Variants in CCDC18 observed in about 807,000 individuals in gnomAD.
CCDC18 encodes coiled-coil domain containing 18.
A neutral mutation model predicts 196.0 loss-of-function variants in CCDC18; 157 were observed. The observed-to-expected ratio is 0.80, with a 90% CI of 0.70 to 0.91. CCDC18 has a LOEUF of 0.91. CCDC18 is among the 40% of genes least tolerant of loss of function. The pLI is 0.00. For synonymous variants in CCDC18, 482 were observed against 529.2 expected, an observed-to-expected ratio of 0.91 and a Z score of 1.22; for missense variants, 1,465 against 1,611.6, an observed-to-expected ratio of 0.91 and a Z score of 1.56.
intron 6 of CCDC18, among the ~76,000 whole-genome samples, chr1:93,194,671 CT>C (rs1274779226): frequency 6.6e-6 from 1 of 151,996 alleles, no homozygotes; most frequent in Non-Finnish European, 1.5e-5. Flanking sequence ...ATTTTATAAA[CT>C]TTGTGGTTAA....
At chr1:93,194,952 C>T (rs1482046327) in intron 6 of CCDC18, among the ~76,000 whole-genome samples, 1 of 152,078 alleles carries the variant, frequency 6.6e-6, no homozygotes, top group Non-Finnish European at 1.5e-5. Context: ...CTCACTGCAT[C>T]CTCCGCCCCC....
intron 23 of CCDC18, among the ~76,000 whole-genome samples, chr1:93,250,103 T>TC (rs1662031211): frequency 6.6e-6 from 1 of 152,106 alleles, no homozygotes; most frequent in Non-Finnish European, 1.5e-5. Context: ...ATTTCTACCT[T>TC]TAAAATTTGA....
intron 17 of CCDC18, among the ~76,000 whole-genome samples, chr1:93,229,640 C>T (rs1217152013): frequency 6.6e-6 from 1 of 152,140 alleles, no homozygotes; most frequent in Non-Finnish European, 1.5e-5. Context: ...GTTGATTACC[C>T]GTTGCAAAAA....
intron 16 of CCDC18, among the ~76,000 whole-genome samples, chr1:93,223,054 G>C (rs895610163): frequency 3.3e-5 from 5 of 152,106 alleles, no homozygotes; most frequent in African/African-American, 7.2e-5. Flanking sequence ...CCCTGTGTAA[G>C]AATAGCCCCA....
chr1:93,278,431 A>G, intron 28 of CCDC18, 32 bp from the exon 29 acceptor site: 1 of 929,618 alleles, frequency 1.1e-6, no homozygotes, highest in African/African-American at 1.7e-5. Context: ...GGAATATTTC[A>G]AATATTAATC....
rs539451973 is a variant in CCDC18, at chr1:93,215,832, G to A, written c.1720-804G>A. ...TTTTTAAACAACTGCATGTAAACCT[G>A]AAACAACTACGCAAGGAATTACATT... On this transcript the variant is annotated intron_variant, in intron 12 of 28. Coordinates refer to ENST00000690025, the MANE Select transcript of CCDC18 (RefSeq NM_001378204.1). Among the ~76,000 whole-genome samples the A allele has an allele frequency of 2.0e-5, 3 of 152,262 alleles. No individual in the cohort carries two copies. The South Asian group carries it at 6.2e-4, about 32-fold the overall frequency.
intron 26 of CCDC18, among the ~76,000 whole-genome samples, chr1:93,260,612 T>A (rs113910396): frequency 1.2e-3 from 185 of 152,194 alleles, no homozygotes; most frequent in African/African-American, 4.2e-3. Flanking sequence ...CAGTTTTTTT[T>A]ATTATACTTT....
intron 19 of CCDC18, among the ~76,000 whole-genome samples, chr1:93,236,697 A>G (rs1470275500): frequency 2.0e-5 from 3 of 152,230 alleles, no homozygotes; most frequent in Non-Finnish European, 2.9e-5. Context: ...GCAACTGTTA[A>G]TTGTGAATAA....
rs567389663 is a variant in CCDC18, at chr1:93,182,939, C to T, written c.-2-421C>T. Among the ~76,000 whole-genome samples, 98 of 152,178 alleles carry T rather than the reference C, an allele frequency of 6.4e-4. 1 individual carries two copies. Among genetic ancestry groups the T allele is most frequent in the African/African-American group, 1.8e-3 (75 of 41,532 alleles). ...TGTAATATGTAATAAAGCTACAATG[C>T]GACATAATTTAATGGTCTTTGCATC... is the stretch of plus-strand genomic sequence containing the variant. On this transcript the variant is annotated intron_variant, in intron 1 of 28. Coordinates refer to ENST00000690025, the MANE Select transcript of CCDC18 (RefSeq NM_001378204.1).
chr1:93,270,818 T>C lies in CCDC18; in HGVS notation c.4353+4T>C, dbSNP rs944384294. 2.0e-6 allele frequency: 3 copies of C among 1,511,886 alleles called. No individual in the cohort carries two copies. Among genetic ancestry groups the C allele is most frequent in the African/African-American group, 2.8e-5 (2 of 71,112 alleles). The allele number at this position is 1,511,886 out of a possible 1,614,324, so 93.7% of individuals were successfully genotyped here. On this transcript the variant is annotated splice_donor_region_variant and intron_variant, in intron 28 of 28. Transcript: ENST00000690025. ...AACAGGTGCTGGTTTAAATCAGGTA[T>C]GTATTTTATACACTGTAAACTGTAA... is the stretch of plus-strand genomic sequence containing the variant.
chr1:93,232,031 A>G (rs189844071), intron 17 of CCDC18, among the ~76,000 whole-genome samples: 2 of 152,288 alleles, frequency 1.3e-5, no homozygotes, highest in African/African-American at 2.4e-5. Context: ...GTTTCTGCCT[A>G]GGGAAGCCTA....
chr1:93,203,006 C>A (rs1654100056), intron 7 of CCDC18, among the ~76,000 whole-genome samples: 1 of 152,034 alleles, frequency 6.6e-6, no homozygotes, highest in Non-Finnish European at 1.5e-5. Flanking sequence ...ACAGTGTTAA[C>A]CAGGGAAAAT....
At chr1:93,266,486 A>C (rs936071878) in intron 27 of CCDC18, among the ~76,000 whole-genome samples, 10 of 152,226 alleles carry the variant, frequency 6.6e-5, no homozygotes, top group African/African-American at 2.4e-4. Context: ...AACCCTTCAA[A>C]AAATCAATGA....
rs916995642 is a variant in CCDC18, at chr1:93,220,878, G to A, written c.1963-731G>A. Among the ~76,000 whole-genome samples the A allele has an allele frequency of 2.0e-5, 3 of 152,140 alleles. 1 individual carries two copies. Among genetic ancestry groups the A allele is most frequent in the African/African-American group, 4.8e-5 (2 of 41,432 alleles). On this transcript the variant is annotated intron_variant, in intron 14 of 28. Coordinates refer to ENST00000690025, the MANE Select transcript of CCDC18 (RefSeq NM_001378204.1). ...TCCCACTTATAAGTGAGTACGTGCA[G>A]TATTTGGTTTTCTGTTCCTGTGTTA...
At chr1:93,180,384 A>G, upstream of CCDC18, 1 of 1,247,212 alleles carries the variant, frequency 8.0e-7, no homozygotes, top group African/African-American at 1.6e-5. Flanking sequence ...GGCGGCGAAC[A>G]CTCCCTCCGA....
chr1:93,219,683 A>G (rs149740882), intron 14 of CCDC18, among the ~76,000 whole-genome samples: 34 of 152,346 alleles, frequency 2.2e-4, no homozygotes, highest in African/African-American at 7.7e-4. Context: ...GGAATTTTCC[A>G]TTTAGTATTT....
At chr1:93,219,084 C>G (rs1214970852) in intron 14 of CCDC18, among the ~76,000 whole-genome samples, 1 of 152,164 alleles carries the variant, frequency 6.6e-6, no homozygotes, top group Non-Finnish European at 1.5e-5. Context: ...TTGCTGAAGT[C>G]TTAATATATA....
intron 14 of CCDC18, 29 bp from the exon 15 acceptor site, chr1:93,221,580 T>G (rs1334539225): frequency 1.4e-6 from 2 of 1,400,508 alleles, no homozygotes; most frequent in African/African-American, 3.0e-5. Context: ...TTAAAATATT[T>G]AATATGAAAA....
intron 8 of CCDC18, among the ~76,000 whole-genome samples, chr1:93,206,501 A>G (rs1654721082): frequency 6.6e-6 from 1 of 152,152 alleles, no homozygotes; most frequent in African/African-American, 2.4e-5. Flanking sequence ...TATTTCAAAT[A>G]TAAGTGAAAT....
Sources: allele counts gnomAD v4.1 joint callset (sites outside exome capture counted in the v4.1 genomes callset), GRCh38; gene constraint gnomAD v4.1.1; transcripts MANE v1.5; gene names NCBI Gene and HGNC (gene_info 2026-07-23, HGNC 2026-07-21).